MED21: variants seen among roughly 807,000 people sequenced by gnomAD.
MED21 encodes mediator complex subunit 21, also known as mediator of RNA polymerase II transcription subunit 21.
Under a neutral mutation model 18.2 loss-of-function variants are expected in MED21, and 9 were observed. The observed-to-expected ratio is 0.49, with a 90% CI of 0.30 to 0.86. MED21 has a LOEUF of 0.86. Ranked by LOEUF, MED21 falls within the 40% of genes least tolerant of loss-of-function variation. The pLI, the probability that MED21 is intolerant of heterozygous loss-of-function variation, is 0.07. For missense variants in MED21, 150 were observed against 170.9 expected (o/e 0.88, Z 0.68); for synonymous variants, 73 against 60.5 (o/e 1.21, Z -0.96).
At chr12:27,037,626 GT>G (rs765851670) in intron 2 of MED21, 1 of 152,090 alleles carries the variant, frequency 6.6e-6, no homozygotes, top group Non-Finnish European at 1.5e-5. Context: ...ATAAATGTAT[GT>G]TTAATCTCAG....
chr12:27,037,017 A>G (rs1055406212), intron 2 of MED21: 10 of 152,122 alleles, frequency 6.6e-5, no homozygotes, highest in African/African-American at 2.4e-4. Context: ...TTGAATCTAT[A>G]AATTACCTTG....
chr12:27,034,604 CTAATT>C (rs1021284372), downstream of MED21, among the ~76,000 whole-genome samples: 20 of 151,858 alleles, frequency 1.3e-4, no homozygotes, highest in African/African-American at 4.8e-4. Context: ...ATTCCACCAG[CTAATT>C]TTTGTATTTT....
chr12:27,032,582 T>A (rs1201025201), downstream of MED21, among the ~76,000 whole-genome samples: 2 of 152,172 alleles, frequency 1.3e-5, no homozygotes, highest in Non-Finnish European at 2.9e-5. Context: ...GTATTAACCT[T>A]TACTTGAGCC....
In MED21 at chr12:27,028,715, T is replaced by C. The variant is rs184200647; in HGVS notation, c.*254T>C. 105 of 1,131,520 alleles carry C rather than the reference T, an allele frequency of 9.3e-5. No homozygotes were observed. The Admixed American group carries it at 3.0e-3, about 32-fold the overall frequency. The allele number at this position is 1,131,520 out of a possible 1,614,324, so 70.1% of individuals were successfully genotyped here. On this transcript the variant is annotated 3_prime_UTR_variant, in exon 4 of 4. Transcript: ENST00000282892. The stretch of plus-strand genomic sequence containing the variant: ...ATTATTAAGGCATGTAATACATTAA[T>C]GAACATAATATAAGGAAACATATGT...
In MED21 at chr12:27,029,424, G is replaced by T. The variant is rs1010487964; in HGVS notation, c.*963G>T. 1 of 985,140 alleles carries T rather than the reference G, an allele frequency of 1.0e-6. No individual in the cohort carries two copies. The highest frequency in any genetic ancestry group is 1.7e-5 in the African/African-American group (1 of 57,206). 61.0% of individuals were successfully genotyped at this position (985,140 alleles called of 1,614,324 possible). ...TTTGAGTCTACTGATAATCTCCACT[G>T]GAAAGGTGGAATTGAAATGTGGTCC... On this transcript the variant is annotated 3_prime_UTR_variant, in exon 4 of 4. Coordinates refer to ENST00000282892, the MANE Select transcript of MED21 (RefSeq NM_004264.5).
At chr12:27,038,052 C>T (rs1941660669) in intron 2 of MED21, 1 of 152,062 alleles carries the variant, frequency 6.6e-6, no homozygotes, top group East Asian at 1.9e-4. Context: ...TAAGACAGAG[C>T]TTCCTATTAA....
chr12:27,022,962 T>C, intron 1 of MED21: 1 of 1,117,410 alleles, frequency 8.9e-7, no homozygotes, highest in Non-Finnish European at 1.1e-6. Flanking sequence ...ACGGGTTCTC[T>C]TTCTTTTGGG....
chr12:27,025,499 A>G (rs1941532080), intron 1 of MED21, among the ~76,000 whole-genome samples: 4 of 152,208 alleles, frequency 2.6e-5, no homozygotes, highest in African/African-American at 9.6e-5. Context: ...CAAGAAGACT[A>G]TTGTAATAAT....
At chr12:27,034,951 A>G (rs1014016814), downstream of MED21, among the ~76,000 whole-genome samples, 3 of 152,070 alleles carry the variant, frequency 2.0e-5, no homozygotes, top group Non-Finnish European at 2.9e-5. Flanking sequence ...GGGTTTTACC[A>G]TGTTTACCAG....
chr12:27,024,621 AG>A (rs1001005326), intron 1 of MED21, among the ~76,000 whole-genome samples: 23 of 152,226 alleles, frequency 1.5e-4, no homozygotes, highest in Admixed American at 2.6e-4. Flanking sequence ...TGTAACTAGA[AG>A]GATAATAAGG....
chr12:27,038,823 G>C (rs1160529672), intron 2 of MED21: 4 of 152,202 alleles, frequency 2.6e-5, no homozygotes, highest in Admixed American at 1.3e-4. Context: ...TTTGGGAGGA[G>C]TGATCAAAAT....
chr12:27,035,011 C>T (rs980561797), downstream of MED21, among the ~76,000 whole-genome samples: 17 of 152,152 alleles, frequency 1.1e-4, no homozygotes, highest in Non-Finnish European at 2.2e-4. Flanking sequence ...CCTGGCCTCC[C>T]TAAGTGCTGG....
In MED21 at chr12:27,028,623, A is replaced by G. The variant is rs1941576065; in HGVS notation, c.*162A>G. 2.3e-6 allele frequency: 3 copies of G among 1,294,654 alleles called. No individual in the cohort carries two copies. The highest frequency in any genetic ancestry group is 2.9e-5 in the South Asian group (1 of 34,792). The allele number at this position is 1,294,654 out of a possible 1,614,324, so 80.2% of individuals were successfully genotyped here. A position where few individuals can be genotyped will look rare whatever the true frequency, so the allele number is the denominator to read the frequency against. ...TAATAGTCTTCTATTTTCACTCTTG[A>G]TAAGCTTATAAAATCATGATTGAAT... On this transcript the variant is annotated 3_prime_UTR_variant, in exon 4 of 4. Coordinates refer to ENST00000282892, the MANE Select transcript of MED21 (RefSeq NM_004264.5).
intron 2 of MED21, among the ~76,000 whole-genome samples, chr12:27,026,982 G>A (rs1449122180): frequency 6.6e-6 from 1 of 152,048 alleles, no homozygotes. Flanking sequence ...AGGCTGGAGT[G>A]CAGTGATGCA....
Position 27,029,285 on chromosome 12 carries a change from A to T in MED21, c.*824A>T, listed in dbSNP as rs1941585738. ...ATTGCTGTATTCTAGTCAGACCAGA[A>T]CATACTTCCACTACATCAGTTACTT... On this transcript the variant is annotated 3_prime_UTR_variant, in exon 4 of 4. Coordinates refer to ENST00000282892, the MANE Select transcript of MED21 (RefSeq NM_004264.5). The T allele has an allele frequency of 1.8e-5, 18 of 985,350 alleles. No homozygotes were observed. Among genetic ancestry groups the T allele is most frequent in the Non-Finnish European group, 2.0e-5 (17 of 829,872 alleles). The allele number at this position is 985,350 out of a possible 1,614,324, so 61.0% of individuals were successfully genotyped here.
downstream of MED21, among the ~76,000 whole-genome samples, chr12:27,031,131 T>C (rs895319843): frequency 6.6e-5 from 10 of 152,164 alleles, no homozygotes; most frequent in Non-Finnish European, 1.3e-4. Flanking sequence ...GGTCTCGAAC[T>C]CCCAACCTTA....
rs1172077264 is a variant in MED21 at position 27,028,948 on chromosome 12, A to G, written c.*487A>G. The stretch of plus-strand genomic sequence containing the variant: ...AAGTTTTGGAAATTGTGTTGCTTTT[A>G]AGAAATAGAGTTAGTGTGGCTGGAT... On this transcript the variant is annotated 3_prime_UTR_variant, in exon 4 of 4. Coordinates refer to ENST00000282892, the MANE Select transcript of MED21 (RefSeq NM_004264.5). 1.0e-6 allele frequency: 1 copy of G among 985,542 alleles called. No homozygotes were observed. The highest frequency in any genetic ancestry group is 1.1e-4 in the East Asian group (1 of 8,832). The allele number at this position is 985,542 out of a possible 1,614,324, so 61.0% of individuals were successfully genotyped here. A position where few individuals can be genotyped will look rare whatever the true frequency, so the allele number is the denominator to read the frequency against.
intron 2 of MED21, among the ~76,000 whole-genome samples, chr12:27,036,565 G>A (rs1941651262): frequency 6.6e-6 from 1 of 152,118 alleles, no homozygotes; most frequent in African/African-American, 2.4e-5. Flanking sequence ...GGTTTTTATG[G>A]TTTTAGGTCT....
At chr12:27,026,071 A>G (rs1592334740) in intron 1 of MED21, among the ~76,000 whole-genome samples, 1 of 152,196 alleles carries the variant, frequency 6.6e-6, no homozygotes, top group Non-Finnish European at 1.5e-5. Context: ...TTCCATCACT[A>G]TCCCCAAAAA....
Sources: allele counts gnomAD v4.1 joint callset (sites outside exome capture counted in the v4.1 genomes callset), GRCh38; gene constraint gnomAD v4.1.1; transcripts MANE v1.5; gene names NCBI Gene and HGNC (gene_info 2026-07-23, HGNC 2026-07-21).